The following STX3 variants were observed in gnomAD, a reference collection of about 807,000 sequenced individuals.
STX3 encodes syntaxin 3.
In STX3, 19 loss-of-function variants were observed where a neutral mutation model predicts 40.2. That is an observed-to-expected ratio of 0.47 (90% CI 0.33 to 0.69). The LOEUF (loss-of-function observed/expected upper bound fraction) is 0.69. Ranked by LOEUF, STX3 falls within the 30% of genes least tolerant of loss-of-function variation. STX3 has a pLI of 0.02. For missense variants in STX3, 364 were observed against 366.7 expected, an observed-to-expected ratio of 0.99 and a Z score of 0.06; for synonymous variants, 122 against 132.2, an observed-to-expected ratio of 0.92 and a Z score of 0.53.
chr11:59,762,969 C>A (rs562606357), intron 1 of STX3, among the ~76,000 whole-genome samples: 1 of 152,284 alleles, frequency 6.6e-6, no homozygotes, highest in East Asian at 1.9e-4. Context: ...TTCCATCTTC[C>A]CCAGGCTCAA....
At position 59,780,132 on chromosome 11, in the gene STX3, A is replaced by C. The variant is rs561867188; in HGVS notation, c.114+6838A>C. ...ACTACATTTCCCAGCTTCCCCTGCCAATTGCTTTTGGTATATTTGACTAAG... is the reference window on the plus strand; with the variant it reads ...ACTACATTTCCCAGCTTCCCCTGCCCATTGCTTTTGGTATATTTGACTAAG... On this transcript the variant is annotated intron_variant, in intron 2 of 10. Coordinates refer to ENST00000337979, the MANE Select transcript of STX3 (RefSeq NM_004177.5). Among the ~76,000 whole-genome samples, 16 of 152,198 alleles carry C rather than the reference A, an allele frequency of 1.1e-4. No individual in the cohort carries two copies. The South Asian group carries it at 3.3e-3, about 32-fold the overall frequency.
Position 59,804,642 on chromosome 11 carries a change from G to A in STX3, c.*3818G>A, listed in dbSNP as rs1866011586. Reference sequence around the variant, plus strand: ...AGTGCTTTTTCTATGGGTGGTGATGGTGGAGTTCTAGCAACAGCCTCTTAA... The same window carrying A: ...AGTGCTTTTTCTATGGGTGGTGATGATGGAGTTCTAGCAACAGCCTCTTAA... On this transcript the variant is annotated 3_prime_UTR_variant, in exon 11 of 11. Transcript: ENST00000337979. 6.6e-6 allele frequency: 1 copy of A among 152,198 alleles called. No individual in the cohort carries two copies. The highest frequency in any genetic ancestry group is 1.5e-5 in the Non-Finnish European group (1 of 68,044). 9.4% of individuals were successfully genotyped at this position (152,198 alleles called of 1,614,324 possible). A position where few individuals can be genotyped will look rare whatever the true frequency, so the allele number is the denominator to read the frequency against.
chr11:59,799,763 A>G, intron 10 of STX3: 1 of 985,416 alleles, frequency 1.0e-6, no homozygotes, highest in Non-Finnish European at 1.2e-6. Flanking sequence ...CTTCATCTTG[A>G]AAGATAAGCA....
intron 1 of STX3, among the ~76,000 whole-genome samples, chr11:59,766,496 C>T (rs950733715): frequency 5.9e-5 from 9 of 152,210 alleles, no homozygotes; most frequent in Admixed American, 6.5e-5. Flanking sequence ...AGGACAGCTA[C>T]GTCCCCCCAT....
intron 1 of STX3, among the ~76,000 whole-genome samples, chr11:59,767,746 G>A (rs1863348079): frequency 6.6e-6 from 1 of 152,172 alleles, no homozygotes; most frequent in African/African-American, 2.4e-5. Flanking sequence ...AGAAACCTGG[G>A]TTCTATTCCT....
intron 2 of STX3, among the ~76,000 whole-genome samples, chr11:59,782,959 A>G (rs1864497493): frequency 6.6e-6 from 1 of 151,978 alleles, no homozygotes; most frequent in Admixed American, 6.6e-5. Flanking sequence ...AGATCATGCC[A>G]CTGCACTCTA....
chr11:59,775,274 C>G (rs1477601112), intron 2 of STX3, among the ~76,000 whole-genome samples: 1 of 152,198 alleles, frequency 6.6e-6, no homozygotes, highest in Non-Finnish European at 1.5e-5. Context: ...ATAGTGAGAT[C>G]AAACAACACT....
At chr11:59,771,887 G>A (rs1863671300) in intron 1 of STX3, among the ~76,000 whole-genome samples, 1 of 152,172 alleles carries the variant, frequency 6.6e-6, no homozygotes, top group South Asian at 2.1e-4. Flanking sequence ...CGGGGAGGTG[G>A]TAGCAGTGCC....
chr11:59,784,010 G>A (rs906212181), intron 2 of STX3, among the ~76,000 whole-genome samples: 4 of 152,152 alleles, frequency 2.6e-5, no homozygotes, highest in African/African-American at 9.7e-5. Context: ...CCGTAGGCAG[G>A]TTGCGGATAG....
At chr11:59,775,666 C>T (rs1863925455) in intron 2 of STX3, among the ~76,000 whole-genome samples, 1 of 152,168 alleles carries the variant, frequency 6.6e-6, no homozygotes, top group South Asian at 2.1e-4. Context: ...AGTGTTAGTA[C>T]TTACCTTTCA....
At chr11:59,778,198 A>G (rs538166640) in intron 2 of STX3, among the ~76,000 whole-genome samples, 2 of 152,306 alleles carry the variant, frequency 1.3e-5, no homozygotes, top group Admixed American at 6.5e-5. Flanking sequence ...AGAGCGGTAC[A>G]TAGGTCCCAC....
At chr11:59,794,337 G>A (rs1034010930) in intron 8 of STX3, among the ~76,000 whole-genome samples, 18 of 152,328 alleles carry the variant, frequency 1.2e-4, no homozygotes, top group African/African-American at 4.1e-4. Context: ...GTGTGCCACA[G>A]GGTCATGGTG....
At chr11:59,762,174 G>A (rs185952637) in intron 1 of STX3, among the ~76,000 whole-genome samples, 1 of 152,244 alleles carries the variant, frequency 6.6e-6, no homozygotes, top group South Asian at 2.1e-4. Context: ...GCAGGGCTCC[G>A]GCATCTGTTT....
intron 2 of STX3, among the ~76,000 whole-genome samples, chr11:59,776,836 G>A (rs1863991346): frequency 6.6e-6 from 1 of 152,214 alleles, no homozygotes; most frequent in Non-Finnish European, 1.5e-5. Context: ...TCAAGCCAGA[G>A]CCTGGTAAAT....
intron 2 of STX3, among the ~76,000 whole-genome samples, chr11:59,784,844 A>G (rs1864649262): frequency 1.3e-5 from 2 of 152,296 alleles, no homozygotes; most frequent in South Asian, 4.1e-4. Context: ...GCCAAACTGT[A>G]TCAGTGAGTA....
intron 2 of STX3, among the ~76,000 whole-genome samples, chr11:59,774,625 G>A (rs1375568604): frequency 6.6e-6 from 1 of 152,098 alleles, no homozygotes; most frequent in African/African-American, 2.4e-5. Flanking sequence ...AAGGTCAAGA[G>A]TTTGAGACCA....
intron 10 of STX3, among the ~76,000 whole-genome samples, chr11:59,797,839 C>T (rs1043319457): frequency 6.6e-6 from 1 of 152,202 alleles, no homozygotes; most frequent in African/African-American, 2.4e-5. Context: ...TTTGGATCTG[C>T]AGAGTTTTCT....
intron 5 of STX3, 60 bp downstream of exon 5, chr11:59,790,646 T>A: frequency 7.7e-7 from 1 of 1,306,726 alleles, no homozygotes; most frequent in Non-Finnish European, 1.1e-6. Context: ...TTCCCTTAAC[T>A]GTGGAGGGAT....
chr11:59,771,003 C>T (rs906014093), intron 1 of STX3, among the ~76,000 whole-genome samples: 1 of 152,154 alleles, frequency 6.6e-6, no homozygotes, highest in Admixed American at 6.5e-5. Flanking sequence ...TCACTTCAGA[C>T]TCCTTTCACA....
Sources: allele counts gnomAD v4.1 joint callset (sites outside exome capture counted in the v4.1 genomes callset), GRCh38; gene constraint gnomAD v4.1.1; transcripts MANE v1.5; gene names NCBI Gene and HGNC (gene_info 2026-07-23, HGNC 2026-07-21).